Variants in EXOC4 observed in about 807,000 individuals in gnomAD.
EXOC4 encodes the protein exocyst complex component 4.
Under a neutral mutation model 107.2 loss-of-function variants are expected in EXOC4, and 71 were observed. The ratio of observed to expected loss-of-function variants is 0.66; its 90% CI spans 0.55 to 0.81. EXOC4 has a LOEUF of 0.81. Ranked by LOEUF, EXOC4 falls within the 30% of genes least tolerant of loss-of-function variation. The probability of loss-of-function intolerance (pLI) is 0.00; values close to 1 mark genes in which losing one functional copy is unlikely to be tolerated. For synonymous variants in EXOC4, 456 were observed against 441.2 expected (o/e 1.03, Z -0.42); for missense variants, 1,108 against 1,189.6 (o/e 0.93, Z 1.01).
intron 14 of EXOC4, among the ~76,000 whole-genome samples, chr7:133,997,141 G>A (rs1339835538): frequency 6.6e-6 from 1 of 152,234 alleles, no homozygotes; most frequent in Non-Finnish European, 1.5e-5. Context: ...AAGGTGCACA[G>A]AAGATGGAGG....
At chr7:133,540,877 A>G (rs932206072) in intron 9 of EXOC4, among the ~76,000 whole-genome samples, 1 of 152,184 alleles carries the variant, frequency 6.6e-6, no homozygotes, top group Non-Finnish European at 1.5e-5. Flanking sequence ...TTTGTTTTGA[A>G]ATTTGGAATC....
At chr7:133,517,575 A>G (rs576165358) in intron 9 of EXOC4, among the ~76,000 whole-genome samples, 3 of 152,246 alleles carry the variant, frequency 2.0e-5, no homozygotes, top group East Asian at 3.9e-4. Flanking sequence ...CACATCTCAC[A>G]TGGCCACAGA....
intron 5 of EXOC4, among the ~76,000 whole-genome samples, chr7:133,332,953 C>T (rs995150434): frequency 2.0e-5 from 3 of 152,116 alleles, no homozygotes; most frequent in African/African-American, 7.2e-5. Context: ...TTAGCACCTA[C>T]TTTGCTACAG....
In EXOC4 at chr7:133,753,801, C is replaced by G. The variant is rs550458943; in HGVS notation, c.1515-63524C>G. Reference sequence around the variant, plus strand: ...TGGAAGGGTGGGGCGAGGCTGGAGCCTAACGGCCTGTTTTACAGAGGACTC... The same window carrying G: ...TGGAAGGGTGGGGCGAGGCTGGAGCGTAACGGCCTGTTTTACAGAGGACTC... On this transcript the variant is annotated intron_variant, in intron 10 of 17. Coordinates refer to ENST00000253861, the MANE Select transcript of EXOC4 (RefSeq NM_021807.4). Among the ~76,000 whole-genome samples, 13 of 152,242 alleles carry G rather than the reference C, an allele frequency of 8.5e-5. No homozygotes were observed. The South Asian group carries it at 2.7e-3, about 32-fold the overall frequency.
intron 10 of EXOC4, among the ~76,000 whole-genome samples, chr7:133,637,407 T>C (rs111763260): frequency 1.2e-3 from 181 of 152,326 alleles, no homozygotes; most frequent in African/African-American, 4.1e-3. Flanking sequence ...TTGATACTTA[T>C]TTAGCAGAAT....
intron 9 of EXOC4, among the ~76,000 whole-genome samples, chr7:133,593,614 T>C (rs1234160849): frequency 6.6e-6 from 1 of 152,222 alleles, no homozygotes; most frequent in Non-Finnish European, 1.5e-5. Flanking sequence ...TCTTGAATTA[T>C]AGAACTCTCT....
chr7:133,479,611 G>C (rs1183602402), intron 8 of EXOC4: 1 of 166,576 alleles, frequency 6.0e-6, no homozygotes, highest in South Asian at 1.7e-4. Context: ...TGGAAGTTAG[G>C]CATGAGTTCT....
chr7:133,323,042 GA>G (rs1386208876), intron 5 of EXOC4, among the ~76,000 whole-genome samples: 3 of 152,168 alleles, frequency 2.0e-5, no homozygotes, highest in Admixed American at 6.5e-5. Flanking sequence ...GAATGCTTGT[GA>G]TTTTTGCACA....
chr7:133,503,189 G>A (rs62469964), intron 9 of EXOC4, among the ~76,000 whole-genome samples: 2 of 152,134 alleles, frequency 1.3e-5, no homozygotes, highest in Non-Finnish European at 2.9e-5. Context: ...TGATAGTCTT[G>A]TGTGACTCTG....
At chr7:133,311,584 C>T (rs1302631175) in intron 4 of EXOC4, among the ~76,000 whole-genome samples, 2 of 151,948 alleles carry the variant, frequency 1.3e-5, no homozygotes. Flanking sequence ...ATTAGGAAAA[C>T]GTGTAGGAGG....
At chr7:133,268,722 T>C (rs1199996769) in intron 1 of EXOC4, among the ~76,000 whole-genome samples, 2 of 152,210 alleles carry the variant, frequency 1.3e-5, no homozygotes, top group Non-Finnish European at 2.9e-5. Flanking sequence ...GGGACTCACT[T>C]GGAGCTCATG....
intron 9 of EXOC4, among the ~76,000 whole-genome samples, chr7:133,534,839 T>C (rs560767991): frequency 1.3e-4 from 20 of 152,260 alleles, no homozygotes; most frequent in African/African-American, 3.6e-4. Flanking sequence ...TATGCTGTCT[T>C]TGGTGACGTG....
chr7:134,043,666 A>G (rs1795577683), intron 17 of EXOC4, among the ~76,000 whole-genome samples: 1 of 152,178 alleles, frequency 6.6e-6, no homozygotes, highest in African/African-American at 2.4e-5. Flanking sequence ...GCATCACCGT[A>G]GACTCTGACA....
intron 7 of EXOC4, among the ~76,000 whole-genome samples, chr7:133,423,360 C>A (rs978890117): frequency 1.3e-5 from 2 of 152,122 alleles, no homozygotes; most frequent in African/African-American, 4.8e-5. Flanking sequence ...TATGGTAAAA[C>A]TAATATTGCT....
At chr7:133,965,805 C>T (rs1180289148) in intron 14 of EXOC4, among the ~76,000 whole-genome samples, 8 of 152,074 alleles carry the variant, frequency 5.3e-5, no homozygotes, top group Non-Finnish European at 1.0e-4. Flanking sequence ...CTTGGCTATA[C>T]GGGCTCTTTT....
At chr7:133,483,913 T>C in intron 9 of EXOC4, 1 of 947,970 alleles carries the variant, frequency 1.1e-6, no homozygotes, top group Non-Finnish European at 1.7e-6. Flanking sequence ...AAAGGCATAA[T>C]TGAATAGTTC....
At chr7:133,613,513 G>C (rs1286664460) in intron 9 of EXOC4, among the ~76,000 whole-genome samples, 1 of 151,922 alleles carries the variant, frequency 6.6e-6, no homozygotes, top group African/African-American at 2.4e-5. Flanking sequence ...GTGCAATACT[G>C]TAAGCTTTGA....
intron 14 of EXOC4, among the ~76,000 whole-genome samples, chr7:133,969,760 A>G (rs1315543389): frequency 1.3e-5 from 2 of 152,134 alleles, no homozygotes; most frequent in African/African-American, 4.8e-5. Flanking sequence ...GCTCTCCTGT[A>G]TGAGGTGTCT....
intron 10 of EXOC4, among the ~76,000 whole-genome samples, chr7:133,717,983 A>T (rs1401142717): frequency 6.6e-6 from 1 of 152,180 alleles, no homozygotes; most frequent in Non-Finnish European, 1.5e-5. Flanking sequence ...CTCAGCCTTA[A>T]AAAAGTGAGT....
Sources: gnomAD v4.1 joint callset for allele counts (sites outside exome capture counted in the v4.1 genomes callset) on GRCh38, gnomAD v4.1.1 for gene constraint, MANE v1.5 for transcripts, NCBI Gene and HGNC (gene_info 2026-07-23, HGNC 2026-07-21) for gene names.